CFAP299: variants seen among roughly 807,000 people sequenced by gnomAD.
CFAP299 encodes the protein cilia and flagella associated protein 299.
Under a neutral mutation model 27.0 loss-of-function variants are expected in CFAP299, and 21 were observed. The observed-to-expected ratio is 0.78, with a 90% CI of 0.55 to 1.12. The LOEUF (loss-of-function observed/expected upper bound fraction) is 1.12. Ranked by LOEUF, CFAP299 falls within the 50% of genes most tolerant of loss-of-function variation. The pLI, the probability that CFAP299 is intolerant of heterozygous loss-of-function variation, is 0.00. For synonymous variants in CFAP299, 104 were observed against 98.1 expected, an observed-to-expected ratio of 1.06 and a Z score of -0.36; for missense variants, 310 against 276.6, an observed-to-expected ratio of 1.12 and a Z score of -0.86.
At chr4:80,361,934 T>G (rs1318551812) in intron 1 of CFAP299, among the ~76,000 whole-genome samples, 3 of 152,072 alleles carry the variant, frequency 2.0e-5, no homozygotes, top group African/African-American at 7.2e-5. Flanking sequence ...AAAATGATAA[T>G]GGCCACTATT....
intron 3 of CFAP299, among the ~76,000 whole-genome samples, chr4:80,839,191 A>T (rs1384571802): frequency 6.6e-6 from 1 of 152,024 alleles, no homozygotes; most frequent in Non-Finnish European, 1.5e-5. Context: ...TACTTATTAT[A>T]CTGTTCTTCC....
At chr4:80,684,528 G>A (rs1356248521) in intron 3 of CFAP299, among the ~76,000 whole-genome samples, 4 of 152,100 alleles carry the variant, frequency 2.6e-5, no homozygotes, top group Admixed American at 1.3e-4. Flanking sequence ...GCCTCCCAAA[G>A]TGCTGCTGGG....
At chr4:80,844,760 T>G (rs1477125617) in intron 3 of CFAP299, among the ~76,000 whole-genome samples, 11 of 152,304 alleles carry the variant, frequency 7.2e-5, no homozygotes, top group African/African-American at 1.9e-4. Flanking sequence ...TTAGTTTAAT[T>G]AGATCCCATT....
intron 3 of CFAP299, among the ~76,000 whole-genome samples, chr4:80,840,470 A>G (rs962138553): frequency 2.0e-5 from 3 of 152,134 alleles, no homozygotes; most frequent in African/African-American, 7.2e-5. Context: ...AAATTATTTT[A>G]CATGGGCAGA....
intron 2 of CFAP299, among the ~76,000 whole-genome samples, chr4:80,578,248 G>A (rs1252019307): frequency 6.6e-6 from 1 of 152,176 alleles, no homozygotes; most frequent in Non-Finnish European, 1.5e-5. Flanking sequence ...TTAGGTCACT[G>A]ACTGTTAAAT....
chr4:80,630,326 G>T (rs1004709281), intron 3 of CFAP299, among the ~76,000 whole-genome samples: 11 of 152,112 alleles, frequency 7.2e-5, no homozygotes, highest in Non-Finnish European at 1.3e-4. Context: ...ATCTGTGAAA[G>T]TTGCATATGA....
chr4:80,859,968 A>G (rs959643721), intron 3 of CFAP299, among the ~76,000 whole-genome samples: 1 of 152,138 alleles, frequency 6.6e-6, no homozygotes, highest in South Asian at 2.1e-4. Flanking sequence ...GTCTTGCTAG[A>G]TTGGGGAAGT....
At chr4:80,488,495 A>ATT in intron 2 of CFAP299, among the ~76,000 whole-genome samples, 1 of 140,268 alleles carries the variant, frequency 7.1e-6, no homozygotes, top group African/African-American at 2.7e-5. Flanking sequence ...TTTTTTTGAG[A>ATT]TGGAGTCTCA....
chr4:80,375,085 C>T (rs2110013340), intron 2 of CFAP299, among the ~76,000 whole-genome samples: 1 of 152,166 alleles, frequency 6.6e-6, no homozygotes, highest in African/African-American at 2.4e-5. Context: ...GCACCAAGTG[C>T]AGTTCAAAGG....
chr4:80,733,407 T>C (rs1047274780), intron 3 of CFAP299, among the ~76,000 whole-genome samples: 3 of 152,108 alleles, frequency 2.0e-5, no homozygotes, highest in Non-Finnish European at 4.4e-5. Flanking sequence ...ATAATAATCA[T>C]ATCATGGAAA....
intron 2 of CFAP299, among the ~76,000 whole-genome samples, chr4:80,438,856 A>G (rs1300853345): frequency 6.6e-6 from 1 of 152,194 alleles, no homozygotes; most frequent in Non-Finnish European, 1.5e-5. Flanking sequence ...ATTTCCTTAA[A>G]TATTTTATGC....
intron 3 of CFAP299, among the ~76,000 whole-genome samples, chr4:80,764,603 C>T (rs570559793): frequency 3.9e-5 from 6 of 152,098 alleles, no homozygotes; most frequent in Non-Finnish European, 5.9e-5. Flanking sequence ...GGTATATACC[C>T]AGAGTATTAT....
chr4:80,858,571 C>T (rs146710716), intron 3 of CFAP299, among the ~76,000 whole-genome samples: 21,950 of 151,864 alleles, frequency 0.14, 1,905 homozygotes, highest in Middle Eastern at 0.26. Context: ...CCTCTACACA[C>T]TGCTTTGAAT....
chr4:80,929,531 G>T (rs182940966), intron 4 of CFAP299, among the ~76,000 whole-genome samples: 1 of 152,260 alleles, frequency 6.6e-6, no homozygotes, highest in East Asian at 1.9e-4. Context: ...CTGCAACACT[G>T]CTCAATAATG....
intron 2 of CFAP299, among the ~76,000 whole-genome samples, chr4:80,535,794 C>T (rs1733713341): frequency 6.6e-6 from 1 of 152,166 alleles, no homozygotes; most frequent in Non-Finnish European, 1.5e-5. Context: ...TTGTTAAGAT[C>T]AGTATGTGTC....
intron 3 of CFAP299, among the ~76,000 whole-genome samples, chr4:80,724,584 G>A (rs1002235838): frequency 6.6e-6 from 1 of 151,796 alleles, no homozygotes; most frequent in African/African-American, 2.4e-5. Context: ...ACTTTTTTTG[G>A]AATTGATGGC....
chr4:80,417,370 T>C (rs2110066696), intron 2 of CFAP299, among the ~76,000 whole-genome samples: 1 of 152,150 alleles, frequency 6.6e-6, no homozygotes, highest in East Asian at 1.9e-4. Context: ...TTGTGTGGCT[T>C]AGAATGCCTA....
intron 2 of CFAP299, among the ~76,000 whole-genome samples, chr4:80,507,700 C>T (rs1732103479): frequency 6.6e-6 from 1 of 152,146 alleles, no homozygotes; most frequent in Admixed American, 6.5e-5. Flanking sequence ...AGCAATCTCA[C>T]TTCTGCTTTC....
At position 80,422,949 on chromosome 4, in the gene CFAP299, T is replaced by C. The variant is rs532265704; in HGVS notation, c.242+60065T>C. Reference sequence around the variant, plus strand: ...CACACCTAGGCTATATGGTACAGCCTATTGCCCCTACAAACCTACACAGCA... The same window carrying C: ...CACACCTAGGCTATATGGTACAGCCCATTGCCCCTACAAACCTACACAGCA... On this transcript the variant is annotated intron_variant, in intron 2 of 5. Coordinates refer to ENST00000358105, the MANE Select transcript of CFAP299 (RefSeq NM_152770.3). Among the ~76,000 whole-genome samples, 29 of 152,324 alleles carry C rather than the reference T, an allele frequency of 1.9e-4. 1 individual carries two copies. Among genetic ancestry groups the C allele is most frequent in the African/African-American group, 6.7e-4 (28 of 41,578 alleles).
Sources: gnomAD v4.1 joint callset for allele counts (sites outside exome capture counted in the v4.1 genomes callset) on GRCh38, gnomAD v4.1.1 for gene constraint, MANE v1.5 for transcripts, NCBI Gene and HGNC (gene_info 2026-07-23, HGNC 2026-07-21) for gene names.